PLEKHA8: variants seen among roughly 807,000 people sequenced by gnomAD.
PLEKHA8 encodes the protein pleckstrin homology domain containing A8.
A neutral mutation model predicts 68.2 loss-of-function variants in PLEKHA8; 36 were observed. That is an observed-to-expected ratio of 0.53 (90% CI 0.40 to 0.70). The LOEUF (loss-of-function observed/expected upper bound fraction) is 0.70, where lower values mean the gene tolerates loss of function less well. Among genes scored for constraint, PLEKHA8 ranks in the 30% least tolerant of loss-of-function variants. The probability of loss-of-function intolerance (pLI) is 0.00; values close to 1 mark genes in which losing one functional copy is unlikely to be tolerated. For missense variants in PLEKHA8, 505 were observed against 615.4 expected (o/e 0.82, Z 1.90); for synonymous variants, 211 against 216.1 (o/e 0.98, Z 0.20).
At chr7:30,119,246 A>C (rs1299332207) in intron 13 of PLEKHA8, among the ~76,000 whole-genome samples, 1 of 152,238 alleles carries the variant, frequency 6.6e-6, no homozygotes, top group Non-Finnish European at 1.5e-5. Flanking sequence ...GGCAAAGGGA[A>C]TTAACATGTA....
At chr7:30,076,144 AT>A (rs1216805883) in intron 13 of PLEKHA8, among the ~76,000 whole-genome samples, 1 of 151,890 alleles carries the variant, frequency 6.6e-6, no homozygotes, top group South Asian at 2.1e-4. Context: ...ATGTATATAC[AT>A]TTTTTCTACC....
chr7:30,034,228 C>T lies in PLEKHA8; in HGVS notation c.40+5426C>T, dbSNP rs573318781. Among the ~76,000 whole-genome samples, 73 of 151,372 alleles carry T rather than the reference C, an allele frequency of 4.8e-4. 1 individual carries two copies. The highest frequency in any genetic ancestry group is 3.4e-3 in the Middle Eastern group (1 of 292). ...TTTCACTATGTTGGCCAGGCTGGTC[C>T]GAACTCCTGACCTCAGGTGATCCGC... is the stretch of plus-strand genomic sequence containing the variant. On this transcript the variant is annotated intron_variant, in intron 1 of 13. Transcript: ENST00000449726.
intron 1 of PLEKHA8, among the ~76,000 whole-genome samples, chr7:30,041,703 G>A (rs1791552937): frequency 6.6e-6 from 1 of 152,104 alleles, no homozygotes; most frequent in Admixed American, 6.6e-5. Flanking sequence ...CCTTCAAGCT[G>A]CTTTCAAAAT....
chr7:30,045,298 C>G lies in PLEKHA8; in HGVS notation c.157+97C>G, dbSNP rs549797360. The stretch of plus-strand genomic sequence containing the variant: ...CCCTGCATACCTTTCTCTGCTGCTC[C>G]CATAATACAGACCAAGGGACATAGT... On this transcript the variant is annotated intron_variant, in intron 2 of 13. Coordinates refer to ENST00000449726, the MANE Select transcript of PLEKHA8 (RefSeq NM_001197026.2). The G allele has an allele frequency of 4.8e-5, 42 of 866,728 alleles. No individual in the cohort carries two copies. In the African/African-American group the frequency reaches 6.3e-4, roughly 13 times the overall value. The allele number at this position is 866,728 out of a possible 1,614,324, so 53.7% of individuals were successfully genotyped here.
rs1443797240 is a variant in PLEKHA8, at chr7:30,028,817, C to G, written c.40+15C>G. 4.0e-6 allele frequency: 5 copies of G among 1,263,276 alleles called. No homozygotes were observed. Among genetic ancestry groups the G allele is most frequent in the Middle Eastern group, 4.1e-4 (2 of 4,884 alleles). 78.3% of individuals were successfully genotyped at this position (1,263,276 alleles called of 1,614,324 possible). On this transcript the variant is annotated intron_variant, in intron 1 of 13. Coordinates refer to ENST00000449726, the MANE Select transcript of PLEKHA8 (RefSeq NM_001197026.2). ...CTATCTGAGCGGTGAGTGGCCGTGC[C>G]GGGCCGGGGGCGCGCCGGGGGCCGG... is the stretch of plus-strand genomic sequence containing the variant.
chr7:30,067,295 C>G (rs1793917257), intron 12 of PLEKHA8, among the ~76,000 whole-genome samples: 2 of 152,172 alleles, frequency 1.3e-5, no homozygotes, highest in South Asian at 4.1e-4. Context: ...CATGGCGAAG[C>G]CCTGTCTCTT....
intron 10 of PLEKHA8, 52 bp downstream of exon 10, chr7:30,060,994 C>A (rs368039853): frequency 8.5e-6 from 13 of 1,534,528 alleles, no homozygotes; most frequent in South Asian, 2.3e-5. Flanking sequence ...GGAAAATGTT[C>A]TCAACATTTT....
intron 9 of PLEKHA8, among the ~76,000 whole-genome samples, chr7:30,056,364 TATATATA>T (rs1285046552): frequency 7.1e-6 from 1 of 141,840 alleles, no homozygotes; most frequent in Non-Finnish European, 1.5e-5. Flanking sequence ...ATAACACATA[TATATATA>T]AATAACATAT....
At chr7:30,051,897 C>T (rs1159268096) in intron 6 of PLEKHA8, among the ~76,000 whole-genome samples, 6 of 152,134 alleles carry the variant, frequency 3.9e-5, no homozygotes, top group African/African-American at 1.2e-4. Context: ...CACTTGAACC[C>T]GGAAGGCAGA....
chr7:30,083,493 A>G lies in PLEKHA8; in HGVS notation c.*4706A>G. ...TCAGACAGTCAATAGTCCTGTGTAC[A>G]GTGACTATTTGCATGATTTCTCATT... On this transcript the variant is annotated 3_prime_UTR_variant, in exon 14 of 14. Transcript: ENST00000449726. 7 of 984,830 alleles carry G rather than the reference A, an allele frequency of 7.1e-6. No homozygotes were observed. The highest frequency in any genetic ancestry group is 9.4e-5 in the South Asian group (2 of 21,272). The allele number at this position is 984,830 out of a possible 1,614,324, so 61.0% of individuals were successfully genotyped here. A position where few individuals can be genotyped will look rare whatever the true frequency, so the allele number is the denominator to read the frequency against.
downstream of PLEKHA8, among the ~76,000 whole-genome samples, chr7:30,094,276 T>C (rs368917384): frequency 3.6e-5 from 5 of 138,206 alleles, no homozygotes; most frequent in South Asian, 2.3e-4. Flanking sequence ...AAGTTTCTAC[T>C]TTTTTTTTTT....
intron 13 of PLEKHA8, among the ~76,000 whole-genome samples, chr7:30,122,665 G>A (rs928520980): frequency 6.6e-6 from 1 of 152,168 alleles, no homozygotes; most frequent in African/African-American, 2.4e-5. Flanking sequence ...TGAGTTTGAG[G>A]TGAGCCAATC....
Position 30,045,131 on chromosome 7 carries a change from T to C in PLEKHA8, c.87T>C (p.Tyr29=), listed in dbSNP as rs758294223. The C allele has an allele frequency of 6.2e-7, 1 of 1,612,472 alleles. No individual in the cohort carries two copies. Among genetic ancestry groups the C allele is most frequent in the Non-Finnish European group, 8.5e-7 (1 of 1,179,288 alleles). The stretch of plus-strand genomic sequence containing the variant: ...TTCTCTGTGGGGGAATATTGTCCTA[T>C]TATGATTCTCCTGAAGATGCCTGGA... ...WFLLCGGILS[Y]YDSPEDAWKG... is the part of the protein sequence containing the mutation. The change falls in exon 2 of 14, where the codon TAT becomes TAC. Residue 29 remains tyrosine (Y), a synonymous_variant. Transcript: ENST00000449726.
chr7:30,036,071 C>T (rs1049742576), intron 1 of PLEKHA8, among the ~76,000 whole-genome samples: 1 of 151,976 alleles, frequency 6.6e-6, no homozygotes, highest in African/African-American at 2.4e-5. Flanking sequence ...GCCTGGCCAA[C>T]ATGGTGAAGC....
chr7:30,056,725 A>G (rs1258165695), intron 9 of PLEKHA8, among the ~76,000 whole-genome samples: 2 of 32,554 alleles, frequency 6.1e-5, no homozygotes, highest in Non-Finnish European at 1.4e-4. Flanking sequence ...AGCCTGTCTC[A>G]AAAAAAAAAA....
chr7:30,116,721 T>G (rs1796578577), intron 13 of PLEKHA8, among the ~76,000 whole-genome samples: 1 of 152,230 alleles, frequency 6.6e-6, no homozygotes, highest in African/African-American at 2.4e-5. Context: ...GGTCTCCAAT[T>G]TGCTGCAACT....
chr7:30,119,404 C>T (rs546253979), intron 13 of PLEKHA8, among the ~76,000 whole-genome samples: 8 of 152,250 alleles, frequency 5.3e-5, no homozygotes, highest in Admixed American at 2.6e-4. Context: ...TAAACCCAGA[C>T]AGAACCTGTG....
downstream of PLEKHA8, among the ~76,000 whole-genome samples, chr7:30,094,512 T>A (rs192737240): frequency 6.2e-4 from 94 of 151,998 alleles, 2 homozygotes; most frequent in Middle Eastern, 3.4e-3. Context: ...CTTTTTTTTT[T>A]AAATTTTATT....
intron 9 of PLEKHA8, among the ~76,000 whole-genome samples, chr7:30,057,221 T>G (rs1232512078): frequency 6.6e-6 from 1 of 152,072 alleles, no homozygotes; most frequent in Non-Finnish European, 1.5e-5. Flanking sequence ...ATAACCATTT[T>G]ATTGATTTCT....
Sources: allele counts gnomAD v4.1 joint callset (sites outside exome capture counted in the v4.1 genomes callset), GRCh38; gene constraint gnomAD v4.1.1; transcripts MANE v1.5; gene names NCBI Gene and HGNC (gene_info 2026-07-23, HGNC 2026-07-21).